KANK1: variants seen among roughly 807,000 people sequenced by gnomAD.
KANK1 encodes the protein KN motif and ankyrin repeat domain-containing protein 1.
Under a neutral mutation model 106.2 loss-of-function variants are expected in KANK1, and 109 were observed. The ratio of observed to expected loss-of-function variants is 1.03; its 90% confidence interval spans 0.88 to 1.20. The LOEUF (loss-of-function observed/expected upper bound fraction) is 1.20, where lower values mean the gene tolerates loss of function less well. Ranked by LOEUF, KANK1 falls within the 50% of genes most tolerant of loss-of-function variation. KANK1 has a pLI of 0.00. For missense variants in KANK1, 2,399 were observed against 1,710.7 expected (o/e 1.40, Z -7.10); for synonymous variants, 873 against 652.2 (o/e 1.34, Z -5.16).
At chr9:558,960 C>T (rs763952967) in intron 1 of KANK1, 1 of 152,108 alleles carries the variant, frequency 6.6e-6, no homozygotes, top group African/African-American at 2.4e-5. Flanking sequence ...GTTCTCTCCA[C>T]CTGTGCGCAA....
At chr9:541,951 T>C (rs2060628099) in intron 1 of KANK1, among the ~76,000 whole-genome samples, 1 of 150,676 alleles carries the variant, frequency 6.6e-6, no homozygotes, top group Admixed American at 6.6e-5. Flanking sequence ...TAGCCGGGCG[T>C]GGTAGCGGGC....
chr9:497,920 C>T (rs531993523), intron 3 of KANK1, among the ~76,000 whole-genome samples: 1 of 152,096 alleles, frequency 6.6e-6, no homozygotes, highest in Non-Finnish European at 1.5e-5. Flanking sequence ...AGGGACCACC[C>T]CAGTTCCATC....
intron 2 of KANK1, among the ~76,000 whole-genome samples, chr9:692,754 C>G (rs1820286733): frequency 6.6e-6 from 1 of 151,988 alleles, no homozygotes. Context: ...GTGGTTCATG[C>G]CTGTAATCCC....
intron 1 of KANK1, among the ~76,000 whole-genome samples, chr9:623,622 AG>A (rs1007514832): frequency 2.0e-5 from 3 of 151,878 alleles, no homozygotes; most frequent in African/African-American, 7.3e-5. Flanking sequence ...AAAAAGAAAA[AG>A]AAAAAAAAAA....
At chr9:503,117 G>A (rs10974867), upstream of KANK1, among the ~76,000 whole-genome samples, 1,500 of 150,532 alleles carry the variant, frequency 1.0e-2, 38 homozygotes, top group African/African-American at 0.035. Flanking sequence ...AGGATTATAG[G>A]CCTGAGCCAC....
intron 1 of KANK1, among the ~76,000 whole-genome samples, chr9:549,887 T>C (rs1357343215): frequency 6.6e-6 from 1 of 152,048 alleles, no homozygotes; most frequent in Non-Finnish European, 1.5e-5. Flanking sequence ...GAGGGTAAAA[T>C]GAACCTTAAT....
intron 1 of KANK1, among the ~76,000 whole-genome samples, chr9:607,566 T>A (rs1829543061): frequency 6.6e-6 from 1 of 151,490 alleles, no homozygotes; most frequent in South Asian, 2.1e-4. Flanking sequence ...GTGGGCTTGT[T>A]GGTTCTTGTG....
At chr9:562,797 C>T (rs185528441) in intron 1 of KANK1, among the ~76,000 whole-genome samples, 2 of 152,274 alleles carry the variant, frequency 1.3e-5, no homozygotes, top group East Asian at 1.9e-4. Context: ...TGAACTTCAT[C>T]ACGGCAGAAG....
rs148853957 is a variant in KANK1 at position 712,933 on chromosome 9, C to T, written c.2167C>T (p.Arg723Cys). The change falls in exon 3 of 12, where the codon CGT becomes TGT. Residue 723 changes from arginine to cysteine, a missense_variant. Arg to Cys is a radical substitution (Grantham distance 180). Coordinates refer to ENST00000382297, the MANE Select transcript of KANK1 (RefSeq NM_015158.5). ...ETRTVAVGEGRVKDINSSTKT... is the reference protein window; with the variant it reads ...ETRTVAVGEGCVKDINSSTKT... ...GCGGACAGTAGCTGTAGGAGAAGGCCGTGTCAAGGACATCAACTCCTCCAC... is the reference window on the plus strand; with the variant it reads ...GCGGACAGTAGCTGTAGGAGAAGGCTGTGTCAAGGACATCAACTCCTCCAC... 10 of 1,614,000 alleles carry T rather than the reference C, an allele frequency of 6.2e-6. No individual in the cohort carries two copies. Among genetic ancestry groups the T allele is most frequent in the East Asian group, 2.2e-5 (1 of 44,886 alleles).
chr9:613,629 A>G lies in KANK1; in HGVS notation c.-83-63261A>G, dbSNP rs116631530. 9.4e-3 allele frequency among the ~76,000 whole-genome samples: 1,430 copies of G among 152,256 alleles called. 29 individuals are homozygous for G. The highest frequency in any genetic ancestry group is 0.033 in the African/African-American group (1,375 of 41,534). On this transcript the variant is annotated intron_variant, in intron 1 of 11. Coordinates refer to ENST00000382297, the MANE Select transcript of KANK1 (RefSeq NM_015158.5). Reference sequence around the variant, plus strand: ...TTGTATTCATTTTTGAAATTTTGCTAATTCCTAAAAGGAATCCACAGAGAG... The same window carrying G: ...TTGTATTCATTTTTGAAATTTTGCTGATTCCTAAAAGGAATCCACAGAGAG...
intron 5 of KANK1, 96 bp downstream of exon 5, chr9:731,362 A>T (rs1052065602): frequency 1.5e-6 from 1 of 675,360 alleles, no homozygotes; most frequent in African/African-American, 1.8e-5. Flanking sequence ...GGAAGCGGCC[A>T]CAGCGCAGTG....
chr9:508,291 C>G (rs1009364968), intron 1 of KANK1, among the ~76,000 whole-genome samples: 3 of 151,704 alleles, frequency 2.0e-5, no homozygotes, highest in African/African-American at 7.3e-5. Context: ...GCATCTGCCA[C>G]CATGCCCGGC....
intron 1 of KANK1, among the ~76,000 whole-genome samples, chr9:541,827 C>T (rs1428444426): frequency 3.9e-5 from 6 of 152,096 alleles, no homozygotes; most frequent in Admixed American, 6.5e-5. Context: ...CGGTGGCTCA[C>T]GCCTGTAATC....
At chr9:575,152 C>G (rs1026553069) in intron 1 of KANK1, among the ~76,000 whole-genome samples, 2 of 152,182 alleles carry the variant, frequency 1.3e-5, no homozygotes, top group African/African-American at 2.4e-5. Flanking sequence ...AAGCAGTGAA[C>G]AATATTCTCA....
At chr9:634,466 G>A (rs7030430) in intron 1 of KANK1, among the ~76,000 whole-genome samples, 58,734 of 151,938 alleles carry the variant, frequency 0.39, 11,592 homozygotes, top group Middle Eastern at 0.4. Context: ...ATCTATAGGA[G>A]CAATTGGGGA....
At chr9:673,831 C>T (rs367779884) in intron 1 of KANK1, 1 of 151,902 alleles carries the variant, frequency 6.6e-6, no homozygotes, top group Admixed American at 6.6e-5. Flanking sequence ...ATTTACAAGC[C>T]GTTATGGAGC....
chr9:573,711 C>G (rs1213625383), intron 1 of KANK1, among the ~76,000 whole-genome samples: 1 of 151,988 alleles, frequency 6.6e-6, no homozygotes, highest in South Asian at 2.1e-4. Flanking sequence ...TTTTCTAGCT[C>G]AACACTCCCA....
At chr9:679,225 G>A (rs984056726) in intron 2 of KANK1, among the ~76,000 whole-genome samples, 2 of 151,998 alleles carry the variant, frequency 1.3e-5, no homozygotes, top group Admixed American at 1.3e-4. Flanking sequence ...ACTTATTCTA[G>A]TCACCATGAC....
intron 1 of KANK1, among the ~76,000 whole-genome samples, chr9:584,816 T>C (rs1823044328): frequency 1.3e-5 from 2 of 152,200 alleles, no homozygotes; most frequent in Admixed American, 1.3e-4. Context: ...CTTGGGTATT[T>C]GGTTGAGCTG....
Sources: gnomAD v4.1 joint callset for allele counts (sites outside exome capture counted in the v4.1 genomes callset) on GRCh38, gnomAD v4.1.1 for gene constraint, MANE v1.5 for transcripts, NCBI Gene and HGNC (gene_info 2026-07-23, HGNC 2026-07-21) for gene names.